Variants in UNKL observed in about 807,000 individuals in gnomAD.
The protein encoded by UNKL is unk like zinc finger.
A neutral mutation model predicts 78.0 loss-of-function variants in UNKL; 60 were observed. The ratio of observed to expected loss-of-function variants is 0.77; its 90% confidence interval spans 0.63 to 0.95. The LOEUF is 0.95. Among genes scored for constraint, UNKL ranks in the 40% least tolerant of loss-of-function variants. The pLI is 0.00. For missense variants in UNKL, 1,159 were observed against 1,045.7 expected, an observed-to-expected ratio of 1.11 and a Z score of -1.49; for synonymous variants, 608 against 474.8, an observed-to-expected ratio of 1.28 and a Z score of -3.65.
chr16:1,411,651 C>A (rs931767440), intron 2 of UNKL, among the ~76,000 whole-genome samples: 11 of 152,110 alleles, frequency 7.2e-5, no homozygotes, highest in African/African-American at 2.7e-4. Flanking sequence ...ATGTAGAAAT[C>A]CCGTCTCTAC....
intron 9 of UNKL, among the ~76,000 whole-genome samples, chr16:1,386,279 GC>G (rs1414583953): frequency 6.6e-6 from 1 of 152,064 alleles, no homozygotes; most frequent in Non-Finnish European, 1.5e-5. Flanking sequence ...AAGGCCGGGC[GC>G]GGTGGCTCAC....
chr16:1,414,552 C>T, intron 1 of UNKL, 63 bp downstream of exon 1: 1 of 742,278 alleles, frequency 1.3e-6, no homozygotes, highest in African/African-American at 1.9e-5. Context: ...GCGCGAGCCC[C>T]GGCGGGAGGC....
At chr16:1,411,642 T>C (rs1306969309) in intron 2 of UNKL, among the ~76,000 whole-genome samples, 3 of 152,072 alleles carry the variant, frequency 2.0e-5, no homozygotes, top group Non-Finnish European at 4.4e-5. Context: ...CTGACCAACA[T>C]GTAGAAATCC....
intron 5 of UNKL, among the ~76,000 whole-genome samples, chr16:1,397,666 G>A (rs75255656): frequency 2.0e-3 from 30 of 15,366 alleles, no homozygotes; most frequent in African/African-American, 9.6e-3. Context: ...AGGTGTCAGG[G>A]GGACACAGAG....
At chr16:1,400,757 G>C (rs2037490358) in intron 4 of UNKL, among the ~76,000 whole-genome samples, 3 of 151,650 alleles carry the variant, frequency 2.0e-5, no homozygotes, top group African/African-American at 7.3e-5. Flanking sequence ...GCGTGATCTT[G>C]GCTCACTGCA....
intron 2 of UNKL, among the ~76,000 whole-genome samples, chr16:1,411,144 A>C (rs985391496): frequency 9.2e-5 from 14 of 152,064 alleles, no homozygotes; most frequent in Non-Finnish European, 2.9e-5. Flanking sequence ...TGGGTCCAGG[A>C]GTTTGAGACT....
chr16:1,405,870 G>C (rs1021034586), intron 2 of UNKL: 4 of 450,352 alleles, frequency 8.9e-6, no homozygotes, highest in African/African-American at 8.0e-5. Context: ...AGATCCTGGA[G>C]TGCAAGAAGC....
intron 10 of UNKL, chr16:1,379,661 C>T (rs1441843452): frequency 4.1e-6 from 4 of 984,596 alleles, no homozygotes; most frequent in Admixed American, 6.2e-5. Context: ...GCGGCCGCCC[C>T]GCGCCGCCGC....
intron 12 of UNKL, among the ~76,000 whole-genome samples, chr16:1,369,584 G>A (rs997692193): frequency 6.6e-6 from 1 of 151,980 alleles, no homozygotes; most frequent in Non-Finnish European, 1.5e-5. Context: ...GGTCAGGCTG[G>A]TCTTGAACTC....
chr16:1,401,514 T>TGAAAGGCACAGAGAACCAAGTGGCC, intron 4 of UNKL, 54 bp downstream of exon 4: 1 of 1,468,010 alleles, frequency 6.8e-7, no homozygotes, highest in African/African-American at 1.4e-5. Context: ...CGAGCTGTTC[T>TGAAAGGCACAGAGAACCAAGTGGCC]CGCGCTGTGC....
At chr16:1,398,859 G>T in intron 5 of UNKL, 1 of 1,574,414 alleles carries the variant, frequency 6.4e-7, no homozygotes, top group Non-Finnish European at 8.6e-7. Context: ...GTGGAGGAAG[G>T]TCCTGTGTGC....
chr16:1,366,732 GA>G (rs1425091581), intron 14 of UNKL, among the ~76,000 whole-genome samples: 1 of 152,226 alleles, frequency 6.6e-6, no homozygotes, highest in Non-Finnish European at 1.5e-5. Flanking sequence ...GCGAGTCCAA[GA>G]GCCCACCCTT....
intron 2 of UNKL, among the ~76,000 whole-genome samples, chr16:1,409,192 G>A (rs368342711): frequency 7.9e-5 from 12 of 152,294 alleles, no homozygotes; most frequent in African/African-American, 2.9e-4. Context: ...GATTACAGGC[G>A]TGAGCCACCG....
At chr16:1,405,139 G>A (rs2142233141) in intron 2 of UNKL, among the ~76,000 whole-genome samples, 1 of 150,546 alleles carries the variant, frequency 6.6e-6, no homozygotes, top group East Asian at 2.0e-4. Context: ...AGGCTGCAGT[G>A]AGTCGTGATT....
At chr16:1,377,167 T>A (rs1227898794) in intron 10 of UNKL, among the ~76,000 whole-genome samples, 1 of 152,080 alleles carries the variant, frequency 6.6e-6, no homozygotes, top group Non-Finnish European at 1.5e-5. Flanking sequence ...GGACTACAGG[T>A]GCCCTCCACC....
intron 11 of UNKL, among the ~76,000 whole-genome samples, chr16:1,370,617 T>TG (rs1243041098): frequency 2.0e-5 from 3 of 152,050 alleles, no homozygotes; most frequent in Non-Finnish European, 4.4e-5. Context: ...GGGTTTAACA[T>TG]GGGCCCCCCC....
At chr16:1,391,761 C>T (rs189074917) in intron 8 of UNKL, among the ~76,000 whole-genome samples, 5 of 152,300 alleles carry the variant, frequency 3.3e-5, no homozygotes, top group Admixed American at 3.3e-4. Flanking sequence ...GATCTCAGCT[C>T]ACTGCAAGCT....
intron 10 of UNKL, 34 bp from the exon 11 acceptor site, chr16:1,371,645 C>T (rs1373987661): frequency 3.9e-6 from 6 of 1,532,080 alleles, no homozygotes; most frequent in Admixed American, 2.0e-5. Flanking sequence ...CCACAGCCCA[C>T]CCAGCGCTGC....
chr16:1,386,813 T>C (rs1439204166), intron 9 of UNKL, among the ~76,000 whole-genome samples: 4 of 152,090 alleles, frequency 2.6e-5, no homozygotes, highest in Non-Finnish European at 2.9e-5. Context: ...GGATACCAGA[T>C]TTGCCCCTCA....
Sources: allele counts gnomAD v4.1 joint callset (sites outside exome capture counted in the v4.1 genomes callset), GRCh38; gene constraint gnomAD v4.1.1; transcripts MANE v1.5; gene names NCBI Gene and HGNC (gene_info 2026-07-23, HGNC 2026-07-21).